TRAPPC9: variants seen among roughly 807,000 people sequenced by gnomAD.
The protein encoded by TRAPPC9 is trafficking protein particle complex subunit 9.
A neutral mutation model predicts 124.0 loss-of-function variants in TRAPPC9; 83 were observed. That is an observed-to-expected ratio of 0.67 (90% CI 0.56 to 0.80). The LOEUF is 0.80. TRAPPC9 is among the 30% of genes least tolerant of loss of function. The pLI, the probability that TRAPPC9 is intolerant of heterozygous loss-of-function variation, is 0.00. For synonymous variants in TRAPPC9, 638 were observed against 617.5 expected (o/e 1.03, Z -0.49); for missense variants, 1,302 against 1,508.3 (o/e 0.86, Z 2.27).
intron 17 of TRAPPC9, among the ~76,000 whole-genome samples, chr8:140,075,458 T>G (rs1176125670): frequency 6.6e-6 from 1 of 151,914 alleles, no homozygotes. Context: ...CCCACATCCC[T>G]CTCCTCCTCC....
At chr8:140,007,163 G>C (rs1464703416) in intron 18 of TRAPPC9, among the ~76,000 whole-genome samples, 1 of 152,152 alleles carries the variant, frequency 6.6e-6, no homozygotes, top group African/African-American at 2.4e-5. Flanking sequence ...ACAAACAGTT[G>C]AAACTTTGTT....
intron 17 of TRAPPC9, among the ~76,000 whole-genome samples, chr8:140,189,824 C>G (rs1270680156): frequency 6.6e-6 from 1 of 152,172 alleles, no homozygotes; most frequent in African/African-American, 2.4e-5. Flanking sequence ...TCAGCTCTCT[C>G]TATGGTCTTA....
chr8:140,352,322 T>C (rs187651929), intron 9 of TRAPPC9, among the ~76,000 whole-genome samples: 309 of 152,330 alleles, frequency 2.0e-3, no homozygotes, highest in Middle Eastern at 6.8e-3. Context: ...TTTGGTTTCT[T>C]GTAGGTAAAG....
chr8:140,007,672 T>C (rs773406140), intron 18 of TRAPPC9, among the ~76,000 whole-genome samples: 23 of 152,192 alleles, frequency 1.5e-4, no homozygotes, highest in Non-Finnish European at 2.6e-4. Flanking sequence ...AAACCAAGCA[T>C]GGTATACTTT....
intron 7 of TRAPPC9, among the ~76,000 whole-genome samples, chr8:140,397,379 T>G (rs1339792413): frequency 7.2e-6 from 1 of 138,822 alleles, no homozygotes. Context: ...CACAGTTACT[T>G]CTCCAAAAAA....
chr8:139,928,546 C>A (rs1832940173), intron 19 of TRAPPC9, among the ~76,000 whole-genome samples: 1 of 151,772 alleles, frequency 6.6e-6, no homozygotes, highest in South Asian at 2.1e-4. Flanking sequence ...TTAGGCCTGG[C>A]AAGAGACTGA....
intron 19 of TRAPPC9, among the ~76,000 whole-genome samples, chr8:139,971,796 T>C (rs1453041664): frequency 2.8e-4 from 31 of 110,146 alleles, no homozygotes; most frequent in South Asian, 5.8e-4. Context: ...TATACACATA[T>C]ATATATACAT....
At chr8:140,017,945 G>A (rs895245580) in intron 18 of TRAPPC9, among the ~76,000 whole-genome samples, 12 of 152,112 alleles carry the variant, frequency 7.9e-5, no homozygotes, top group South Asian at 4.1e-4. Flanking sequence ...CTGGGTTCAG[G>A]TGATTCTCCT....
chr8:139,814,617 C>T (rs1322853064), intron 21 of TRAPPC9, among the ~76,000 whole-genome samples: 1 of 152,106 alleles, frequency 6.6e-6, no homozygotes, highest in East Asian at 1.9e-4. Flanking sequence ...CTAACTTTTC[C>T]AGTTGTACAG....
intron 15 of TRAPPC9, among the ~76,000 whole-genome samples, chr8:140,272,727 T>C (rs909102197): frequency 1.3e-5 from 2 of 151,832 alleles, no homozygotes; most frequent in Non-Finnish European, 2.9e-5. Flanking sequence ...AGTCACACAG[T>C]GAGGGGAGAG....
At chr8:140,324,919 G>A (rs2066697980) in intron 9 of TRAPPC9, among the ~76,000 whole-genome samples, 1 of 151,922 alleles carries the variant, frequency 6.6e-6, no homozygotes, top group Admixed American at 6.6e-5. Flanking sequence ...TTCCTTTCAA[G>A]TACTCACGGA....
At chr8:139,869,018 GA>G (rs1828727628) in intron 21 of TRAPPC9, among the ~76,000 whole-genome samples, 1 of 152,078 alleles carries the variant, frequency 6.6e-6, no homozygotes, top group African/African-American at 2.4e-5. Flanking sequence ...ACAAAACCAA[GA>G]AAAAGCAGAT....
chr8:140,066,022 A>G (rs1842881530), intron 17 of TRAPPC9, among the ~76,000 whole-genome samples: 2 of 152,234 alleles, frequency 1.3e-5, no homozygotes, highest in Admixed American at 6.5e-5. Flanking sequence ...TAAAAGATTC[A>G]CCATGCTAGA....
At chr8:139,841,162 C>CG in intron 21 of TRAPPC9, among the ~76,000 whole-genome samples, 1 of 152,294 alleles carries the variant, frequency 6.6e-6, no homozygotes, top group Admixed American at 6.5e-5. Context: ...CCCTCGCCCC[C>CG]GGCTCCTTCT....
At chr8:140,128,718 G>A (rs1032698985) in intron 17 of TRAPPC9, among the ~76,000 whole-genome samples, 15 of 152,260 alleles carry the variant, frequency 9.9e-5, no homozygotes, top group African/African-American at 2.4e-4. Context: ...AGTAAATGGC[G>A]GAGCCGAGAT....
At chr8:140,125,104 G>A (rs1447368400) in intron 17 of TRAPPC9, among the ~76,000 whole-genome samples, 1 of 152,234 alleles carries the variant, frequency 6.6e-6, no homozygotes, top group Non-Finnish European at 1.5e-5. Flanking sequence ...GGGGCTGCGA[G>A]GGGAAGTGAG....
intron 17 of TRAPPC9, among the ~76,000 whole-genome samples, chr8:140,129,340 G>A (rs1174503486): frequency 1.3e-5 from 2 of 152,136 alleles, no homozygotes; most frequent in African/African-American, 2.4e-5. Flanking sequence ...GCCCCAAGAG[G>A]ATGAAGTGGA....
chr8:140,376,908 G>A (rs1194694078), intron 7 of TRAPPC9, among the ~76,000 whole-genome samples: 14 of 150,672 alleles, frequency 9.3e-5, no homozygotes, highest in African/African-American at 2.7e-4. Context: ...GTGTTGGGAA[G>A]AAGATGGATG....
intron 15 of TRAPPC9, among the ~76,000 whole-genome samples, chr8:140,256,634 G>C (rs1197424610): frequency 6.6e-6 from 1 of 152,138 alleles, no homozygotes; most frequent in Non-Finnish European, 1.5e-5. Context: ...GTGCTCTTCT[G>C]TAGGTGCCGA....
Sources: gnomAD v4.1 joint callset for allele counts (sites outside exome capture counted in the v4.1 genomes callset) on GRCh38, gnomAD v4.1.1 for gene constraint, MANE v1.5 for transcripts, NCBI Gene and HGNC (gene_info 2026-07-23, HGNC 2026-07-21) for gene names.